ADGRV1: variants seen among roughly 807,000 people sequenced by gnomAD.
ADGRV1 encodes the protein adhesion G protein-coupled receptor V1.
A neutral mutation model predicts 596.2 loss-of-function variants in ADGRV1; 359 were observed. The ratio of observed to expected loss-of-function variants is 0.60; its 90% CI spans 0.55 to 0.66. The LOEUF is 0.66. Among genes scored for constraint, ADGRV1 ranks in the 30% least tolerant of loss-of-function variants. ADGRV1 has a pLI of 0.00. For synonymous variants in ADGRV1, 2,681 were observed against 2,679.2 expected (o/e 1.00, Z -0.02); for missense variants, 7,274 against 7,575.6 (o/e 0.96, Z 1.48).
intron 8 of ADGRV1, 97 bp from the exon 9 acceptor site, chr5:90,629,113 T>A (rs1765168060): frequency 1.5e-6 from 1 of 667,022 alleles, no homozygotes; most frequent in Admixed American, 3.7e-5. Flanking sequence ...CATAAAATAT[T>A]AATAAATATT....
Position 90,658,170 on chromosome 5 carries a change from A to G in ADGRV1, c.4644A>G (p.Val1548=), listed in dbSNP as rs377520389. 6 of 1,600,082 alleles carry G rather than the reference A, an allele frequency of 3.7e-6. No homozygotes were observed. Among genetic ancestry groups the G allele is most frequent in the Non-Finnish European group, 5.1e-6 (6 of 1,170,906 alleles). The change falls in exon 21 of 90, where the codon GTA becomes GTG. Residue 1548 remains valine (V), a synonymous_variant. Coordinates refer to ENST00000405460, the MANE Select transcript of ADGRV1 (RefSeq NM_032119.4). The part of the protein sequence containing the change: ...EELFILKLVS[V]YGGARISEEN... ...TATTCATTCTTAAACTAGTTTCTGT[A>G]TATGGAGGAGCTCGTATTTCGGAAG...
intron 83 of ADGRV1, among the ~76,000 whole-genome samples, chr5:90,882,577 T>G (rs1769898258): frequency 6.6e-6 from 1 of 152,220 alleles, no homozygotes; most frequent in Non-Finnish European, 1.5e-5. Context: ...TCGAGAAAGC[T>G]ATTGTTCTGG....
intron 40 of ADGRV1, 27 bp from the exon 41 acceptor site, chr5:90,711,157 T>G (rs751399037): frequency 4.4e-6 from 7 of 1,587,778 alleles, no homozygotes; most frequent in African/African-American, 4.1e-5. Context: ...TTTTTTTGTT[T>G]GTTTTTGTTT....
At position 90,962,296 on chromosome 5, in the gene ADGRV1, C is replaced by T. The variant is rs540960664; in HGVS notation, c.17857-3119C>T. Among the ~76,000 whole-genome samples, 23 of 152,312 alleles carry T rather than the reference C, an allele frequency of 1.5e-4. No individual in the cohort carries two copies. The East Asian group carries it at 4.4e-3, about 29-fold the overall frequency. The stretch of plus-strand genomic sequence containing the variant: ...GTACTTCATCTTGCCCAGCACAATA[C>T]TTTGTAGATAGAGGGTACTTAAGCA... On this transcript the variant is annotated intron_variant, in intron 83 of 89. Transcript: ENST00000405460.
rs536859228 is a variant in ADGRV1, at chr5:91,102,935, C to G, written c.18432+595C>G. ...TTTGTTAAATGGAAAAATGTTGCAC[C>G]CTGATATTAACAAATGGAACAAATG... On this transcript the variant is annotated intron_variant, in intron 87 of 89. Transcript: ENST00000405460. 2.6e-5 allele frequency among the ~76,000 whole-genome samples: 4 copies of G among 152,128 alleles called. No homozygotes were observed. The South Asian group carries it at 8.3e-4, about 32-fold the overall frequency.
At chr5:90,807,851 GT>G in intron 73 of ADGRV1, 114 bp downstream of exon 73, 2 of 970,068 alleles carry the variant, frequency 2.1e-6, no homozygotes, top group Non-Finnish European at 2.9e-6. Flanking sequence ...CACAAACATA[GT>G]TTTAGTGTAG....
At chr5:90,813,643 G>C (rs989196855) in intron 74 of ADGRV1, among the ~76,000 whole-genome samples, 2 of 152,108 alleles carry the variant, frequency 1.3e-5, no homozygotes, top group African/African-American at 4.8e-5. Flanking sequence ...CACTAATGTC[G>C]TATGATGTAA....
intron 77 of ADGRV1, among the ~76,000 whole-genome samples, chr5:90,837,252 CT>C (rs1344540237): frequency 6.6e-6 from 1 of 152,124 alleles, no homozygotes; most frequent in Non-Finnish European, 1.5e-5. Flanking sequence ...ATTCCAAATA[CT>C]TTCTTTTATA....
intron 83 of ADGRV1, among the ~76,000 whole-genome samples, chr5:90,954,718 A>G (rs1043636374): frequency 2.6e-5 from 4 of 152,144 alleles, no homozygotes; most frequent in Admixed American, 6.6e-5. Context: ...TTATATTTCC[A>G]TAGGTTAACT....
chr5:90,590,886 TTTGTA>T, intron 1 of ADGRV1, among the ~76,000 whole-genome samples: 1 of 152,338 alleles, frequency 6.6e-6, no homozygotes, highest in African/African-American at 2.4e-5. Flanking sequence ...TAATAGTATT[TTTGTA>T]TTGTATTTAT....
intron 83 of ADGRV1, among the ~76,000 whole-genome samples, chr5:90,884,289 C>T (rs1770074875): frequency 3.3e-5 from 5 of 152,082 alleles, no homozygotes; most frequent in African/African-American, 9.7e-5. Flanking sequence ...ACCAAACGTC[C>T]CCTGGAAGCC....
chr5:90,663,630 G>C (rs974981694), intron 21 of ADGRV1, among the ~76,000 whole-genome samples: 1 of 152,188 alleles, frequency 6.6e-6, no homozygotes, highest in Non-Finnish European at 1.5e-5. Context: ...GGTCCCATTT[G>C]TCAATTTTGT....
At chr5:90,677,515 G>T (rs1744386042) in intron 25 of ADGRV1, among the ~76,000 whole-genome samples, 1 of 152,118 alleles carries the variant, frequency 6.6e-6, no homozygotes, top group South Asian at 2.1e-4. Context: ...TTGAAAAGTT[G>T]CCCTTTGTGT....
intron 83 of ADGRV1, among the ~76,000 whole-genome samples, chr5:90,889,110 C>G (rs1443760783): frequency 1.3e-5 from 2 of 152,104 alleles, no homozygotes; most frequent in Non-Finnish European, 1.5e-5. Context: ...CACACCCAAA[C>G]AAGCATTTTT....
intron 9 of ADGRV1, chr5:90,630,092 G>A (rs1765305053): frequency 6.6e-6 from 1 of 152,218 alleles, no homozygotes; most frequent in Admixed American, 6.6e-5. Context: ...CCACGTCCCA[G>A]GTTCAAGTGA....
intron 77 of ADGRV1, among the ~76,000 whole-genome samples, chr5:90,837,407 G>T (rs1212614082): frequency 7.2e-6 from 1 of 139,152 alleles, no homozygotes; most frequent in Non-Finnish European, 1.5e-5. Flanking sequence ...GTCTTGCCCT[G>T]TCGCCCTGGC....
intron 83 of ADGRV1, among the ~76,000 whole-genome samples, chr5:90,872,909 C>A (rs1437336566): frequency 6.6e-6 from 1 of 152,196 alleles, no homozygotes; most frequent in East Asian, 1.9e-4. Flanking sequence ...CTAAAGACTT[C>A]TCTTTAGTTT....
chr5:90,559,079 G>A (rs1754460973), intron 1 of ADGRV1, among the ~76,000 whole-genome samples, 162 bp downstream of exon 1: 1 of 152,068 alleles, frequency 6.6e-6, no homozygotes, highest in Admixed American at 6.5e-5. Flanking sequence ...CGCGGCCTGC[G>A]GGTAATGGGG....
At chr5:91,052,215 A>C (rs1581906710) in intron 85 of ADGRV1, among the ~76,000 whole-genome samples, 1 of 152,232 alleles carries the variant, frequency 6.6e-6, no homozygotes, top group South Asian at 2.1e-4. Flanking sequence ...GATTGAAGAA[A>C]GGGAGCTACA....
Sources: allele counts gnomAD v4.1 joint callset (sites outside exome capture counted in the v4.1 genomes callset), GRCh38; gene constraint gnomAD v4.1.1; transcripts MANE v1.5; gene names NCBI Gene and HGNC (gene_info 2026-07-23, HGNC 2026-07-21).